Variants in KCNC2 observed in about 807,000 individuals in gnomAD.
The protein encoded by KCNC2 is voltage-gated potassium channel KCNC2.
In KCNC2, 21 loss-of-function variants were observed where a neutral mutation model predicts 44.5. That is an observed-to-expected ratio of 0.47 (90% CI 0.33 to 0.68). The LOEUF (loss-of-function observed/expected upper bound fraction) is 0.68, where lower values mean the gene tolerates loss of function less well. KCNC2 is among the 30% of genes least tolerant of loss of function. KCNC2 has a pLI of 0.01. For synonymous variants in KCNC2, 391 were observed against 339.1 expected, an observed-to-expected ratio of 1.15 and a Z score of -1.68; for missense variants, 589 against 826.2, an observed-to-expected ratio of 0.71 and a Z score of 3.52.
At chr12:75,141,762 A>G (rs1364026490) in intron 2 of KCNC2, among the ~76,000 whole-genome samples, 1 of 152,200 alleles carries the variant, frequency 6.6e-6, no homozygotes, top group East Asian at 1.9e-4. Context: ...AGAGAAGAAC[A>G]ATACTCTTTA....
At chr12:75,067,579 G>T (rs901693781) in intron 2 of KCNC2, among the ~76,000 whole-genome samples, 1 of 150,546 alleles carries the variant, frequency 6.6e-6, no homozygotes, top group Non-Finnish European at 1.5e-5. Context: ...TTTTTAAAAA[G>T]GCTTCCCTGA....
At chr12:75,190,742 T>C (rs1205927310) in intron 2 of KCNC2, among the ~76,000 whole-genome samples, 1 of 152,124 alleles carries the variant, frequency 6.6e-6, no homozygotes, top group Non-Finnish European at 1.5e-5. Flanking sequence ...CAAAGAGATG[T>C]TTCCAAATTG....
At chr12:75,115,663 C>T (rs1887608183) in intron 2 of KCNC2, among the ~76,000 whole-genome samples, 1 of 152,134 alleles carries the variant, frequency 6.6e-6, no homozygotes, top group Non-Finnish European at 1.5e-5. Context: ...CAGGTCACGT[C>T]AATGCATCTT....
intron 2 of KCNC2, among the ~76,000 whole-genome samples, chr12:75,194,677 A>C (rs1413457161): frequency 6.6e-6 from 1 of 152,222 alleles, no homozygotes; most frequent in African/African-American, 2.4e-5. Flanking sequence ...TAGAGAATAC[A>C]TGTCTTATAT....
At chr12:75,128,703 T>C (rs1888618526) in intron 2 of KCNC2, among the ~76,000 whole-genome samples, 1 of 152,160 alleles carries the variant, frequency 6.6e-6, no homozygotes, top group Admixed American at 6.5e-5. Context: ...TGCCTGGTTA[T>C]GTTAGTCAAA....
chr12:75,113,904 AAG>A (rs374267064), intron 2 of KCNC2, among the ~76,000 whole-genome samples: 72 of 152,286 alleles, frequency 4.7e-4, no homozygotes, highest in African/African-American at 1.7e-3. Context: ...AGGGAAAAAA[AAG>A]AGTTTTGTCT....
chr12:75,078,610 A>G (rs1884205831), intron 2 of KCNC2, among the ~76,000 whole-genome samples: 1 of 152,188 alleles, frequency 6.6e-6, no homozygotes, highest in Admixed American at 6.5e-5. Context: ...AACCCTATTT[A>G]GTGTCTACTA....
rs375931751 is a variant in KCNC2, at chr12:75,164,626, A to G, written c.687+42671T>C. Among the ~76,000 whole-genome samples the G allele has an allele frequency of 4.0e-5, 6 of 151,664 alleles. No individual in the cohort carries two copies. In the East Asian group the frequency reaches 1.2e-3, roughly 29 times the overall value. On this transcript the variant is annotated intron_variant, in intron 2 of 4. Transcript: ENST00000549446. ...TAGAATTCTGGTAACAAACACATTG[A>G]GCATCTTCAAGGCGGACATGAATGT...
At chr12:75,195,072 A>G (rs189962979) in intron 2 of KCNC2, among the ~76,000 whole-genome samples, 5 of 152,288 alleles carry the variant, frequency 3.3e-5, no homozygotes, top group Admixed American at 2.6e-4. Flanking sequence ...GTTCAATTCA[A>G]ATTTCTAGCT....
At chr12:75,088,919 G>C (rs926486819) in intron 2 of KCNC2, among the ~76,000 whole-genome samples, 1 of 151,736 alleles carries the variant, frequency 6.6e-6, no homozygotes, top group South Asian at 2.1e-4. Context: ...CTTAAACAGA[G>C]GTTCTTGCTT....
At chr12:75,103,679 G>T (rs1886552844) in intron 2 of KCNC2, among the ~76,000 whole-genome samples, 1 of 152,084 alleles carries the variant, frequency 6.6e-6, no homozygotes, top group African/African-American at 2.4e-5. Context: ...CCTTATCTTT[G>T]GGGGATATGT....
At chr12:75,068,272 G>C (rs1883034981) in intron 2 of KCNC2, among the ~76,000 whole-genome samples, 1 of 152,186 alleles carries the variant, frequency 6.6e-6, no homozygotes. Flanking sequence ...GCTATTTTAA[G>C]TGGGGCAGTG....
intron 2 of KCNC2, among the ~76,000 whole-genome samples, chr12:75,081,408 ATTTTT>A (rs34651267): frequency 7.7e-6 from 1 of 130,476 alleles, no homozygotes. Flanking sequence ...TTAAACATTC[ATTTTT>A]TTTTTTTTTT....
At chr12:75,093,376 T>G (rs529969574) in intron 2 of KCNC2, among the ~76,000 whole-genome samples, 2 of 151,680 alleles carry the variant, frequency 1.3e-5, no homozygotes, top group African/African-American at 4.8e-5. Context: ...CATGTGGCTA[T>G]GGAAAGGCAA....
intron 2 of KCNC2, among the ~76,000 whole-genome samples, chr12:75,189,415 T>C (rs1019364208): frequency 4.6e-5 from 7 of 152,182 alleles, no homozygotes; most frequent in Non-Finnish European, 7.3e-5. Flanking sequence ...GGATTACAGT[T>C]GCTTCCCTTG....
chr12:75,179,155 T>C lies in KCNC2; in HGVS notation c.687+28142A>G, dbSNP rs896699842. 2.0e-5 allele frequency among the ~76,000 whole-genome samples: 3 copies of C among 152,202 alleles called. No homozygotes were observed. The East Asian group carries it at 5.8e-4, about 29-fold the overall frequency. On this transcript the variant is annotated intron_variant, in intron 2 of 4. Transcript: ENST00000549446. ...AAAATATTTGATACATATAAAACTA[T>C]GTAATTAAACAGTTCAAATCCAAGT...
chr12:75,101,219 C>T (rs865832798), intron 2 of KCNC2, among the ~76,000 whole-genome samples: 1 of 151,992 alleles, frequency 6.6e-6, no homozygotes. Flanking sequence ...ATTCAAAAAA[C>T]CAATCCAGCA....
At chr12:75,121,179 C>T (rs1036954747) in intron 2 of KCNC2, among the ~76,000 whole-genome samples, 1 of 152,166 alleles carries the variant, frequency 6.6e-6, no homozygotes, top group Non-Finnish European at 1.5e-5. Context: ...GAATTCCTGA[C>T]TTGGCTCTTA....
intron 2 of KCNC2, among the ~76,000 whole-genome samples, chr12:75,136,969 T>C (rs1255662961): frequency 6.6e-6 from 1 of 152,140 alleles, no homozygotes; most frequent in Non-Finnish European, 1.5e-5. Context: ...CTCTCCTCTT[T>C]CCTTGTCAAA....
Sources: allele counts gnomAD v4.1 joint callset (sites outside exome capture counted in the v4.1 genomes callset), GRCh38; gene constraint gnomAD v4.1.1; transcripts MANE v1.5; gene names NCBI Gene and HGNC (gene_info 2026-07-23, HGNC 2026-07-21).